The following CAMTA1 variants were observed in gnomAD, a reference collection of about 807,000 sequenced individuals.
CAMTA1 encodes calmodulin-binding transcription activator 1.
A neutral mutation model predicts 170.9 loss-of-function variants in CAMTA1; 27 were observed. The observed-to-expected ratio is 0.16, with a 90% CI of 0.12 to 0.22. The LOEUF is 0.22. Ranked by LOEUF, CAMTA1 falls within the 10% of genes least tolerant of loss-of-function variation. CAMTA1 has a pLI of 1.00. For synonymous variants in CAMTA1, 833 were observed against 891.5 expected (o/e 0.93, Z 1.17); for missense variants, 1,619 against 2,217.2 (o/e 0.73, Z 5.42).
chr1:7,516,728 G>A (rs990064858), intron 6 of CAMTA1, among the ~76,000 whole-genome samples: 92 of 152,202 alleles, frequency 6.0e-4, no homozygotes, highest in African/African-American at 2.1e-3. Flanking sequence ...CCAGCAGAAT[G>A]TCACAGACCT....
chr1:7,305,397 C>T (rs1422401749), intron 5 of CAMTA1, among the ~76,000 whole-genome samples: 1 of 151,780 alleles, frequency 6.6e-6, no homozygotes, highest in Non-Finnish European at 1.5e-5. Context: ...GCAAAAAACC[C>T]CCCACTAAAC....
intron 5 of CAMTA1, among the ~76,000 whole-genome samples, chr1:7,447,667 A>G (rs2092714053): frequency 6.6e-6 from 1 of 152,130 alleles, no homozygotes; most frequent in African/African-American, 2.4e-5. Context: ...TGCCAGTGCC[A>G]CGGGCCTCCC....
chr1:7,459,321 T>C (rs1358181745), intron 5 of CAMTA1, among the ~76,000 whole-genome samples: 2 of 152,304 alleles, frequency 1.3e-5, no homozygotes, highest in South Asian at 2.1e-4. Flanking sequence ...GAGGAATCCA[T>C]GTCATCCTCT....
chr1:6,841,252 T>G (rs1336965742), intron 3 of CAMTA1, among the ~76,000 whole-genome samples: 1 of 152,244 alleles, frequency 6.6e-6, no homozygotes, highest in East Asian at 1.9e-4. Flanking sequence ...TTTTCCTATT[T>G]TAAGGTCAGC....
At chr1:7,477,489 C>G (rs1229801009) in intron 6 of CAMTA1, among the ~76,000 whole-genome samples, 1 of 152,196 alleles carries the variant, frequency 6.6e-6, no homozygotes, top group Admixed American at 6.5e-5. Flanking sequence ...CTTGCCAAGG[C>G]TGCACGGCAG....
chr1:7,277,601 C>CT (rs1670921538), intron 5 of CAMTA1, among the ~76,000 whole-genome samples: 1 of 152,208 alleles, frequency 6.6e-6, no homozygotes, highest in South Asian at 2.1e-4. Flanking sequence ...CATCTCCTCT[C>CT]TATCTCCCCC....
At chr1:7,282,878 G>A (rs955666516) in intron 5 of CAMTA1, among the ~76,000 whole-genome samples, 2 of 152,070 alleles carry the variant, frequency 1.3e-5, no homozygotes, top group Non-Finnish European at 2.9e-5. Flanking sequence ...CTTGTGTCTC[G>A]TGACATAGCC....
In CAMTA1 at chr1:7,689,583, A is replaced by C. The variant is rs1452064795; in HGVS notation, c.2914+11850A>C. Among the ~76,000 whole-genome samples the C allele has an allele frequency of 2.0e-5, 3 of 152,338 alleles. No homozygotes were observed. In the East Asian group the frequency reaches 5.8e-4, roughly 29 times the overall value. The stretch of plus-strand genomic sequence containing the variant: ...GACAGAGCGAGACCATCTCAAAAAA[A>C]AAAGAAAAATCAGTGGCAGAGGGAA... On this transcript the variant is annotated intron_variant, in intron 11 of 22. Coordinates refer to ENST00000303635, the MANE Select transcript of CAMTA1 (RefSeq NM_015215.4).
chr1:6,865,047 T>C (rs6577392), intron 3 of CAMTA1, among the ~76,000 whole-genome samples: 100,534 of 152,008 alleles, frequency 0.66, 33,666 homozygotes, highest in Admixed American at 0.75. Flanking sequence ...TCAAGCAGTC[T>C]TCCCTCCTTG....
chr1:6,990,898 C>T lies in CAMTA1; in HGVS notation c.235-100406C>T, dbSNP rs193154917. The stretch of plus-strand genomic sequence containing the variant: ...AAGTGGTTTCAAGTGGTTTTGGTTA[C>T]ATGGATTAATTTGGTGAAGGCTGAG... On this transcript the variant is annotated intron_variant, in intron 3 of 22. Coordinates refer to ENST00000303635, the MANE Select transcript of CAMTA1 (RefSeq NM_015215.4). Among the ~76,000 whole-genome samples the T allele has an allele frequency of 2.0e-5, 3 of 151,352 alleles. No homozygotes were observed. The East Asian group carries it at 5.8e-4, about 29-fold the overall frequency.
chr1:7,318,462 C>A (rs1191954855), intron 5 of CAMTA1, among the ~76,000 whole-genome samples: 3 of 152,140 alleles, frequency 2.0e-5, no homozygotes, highest in Admixed American at 6.5e-5. Flanking sequence ...GGGATATTTA[C>A]AAGGGACCCT....
At chr1:6,794,454 ATCT>A (rs1429667910) in intron 1 of CAMTA1, among the ~76,000 whole-genome samples, 2 of 152,214 alleles carry the variant, frequency 1.3e-5, no homozygotes, top group Non-Finnish European at 2.9e-5. Context: ...ACTTAATAAG[ATCT>A]TCTTTTTAAA....
intron 3 of CAMTA1, among the ~76,000 whole-genome samples, chr1:6,843,455 C>T (rs1656698111): frequency 6.6e-6 from 1 of 152,164 alleles, no homozygotes; most frequent in Admixed American, 6.5e-5. Context: ...GAAAAGTGAT[C>T]AAGAGGTTAG....
At chr1:7,667,852 G>A (rs986600751) in intron 9 of CAMTA1, among the ~76,000 whole-genome samples, 1 of 152,236 alleles carries the variant, frequency 6.6e-6, no homozygotes, top group Non-Finnish European at 1.5e-5. Flanking sequence ...AATTCAGCTT[G>A]ATTTGGAAAA....
At chr1:7,275,429 G>A (rs1670447533) in intron 5 of CAMTA1, among the ~76,000 whole-genome samples, 1 of 151,778 alleles carries the variant, frequency 6.6e-6, no homozygotes, top group Non-Finnish European at 1.5e-5. Flanking sequence ...TAAAATAAAT[G>A]AAATAGTAAG....
intron 3 of CAMTA1, among the ~76,000 whole-genome samples, chr1:6,972,850 TTTTCCC>T (rs537014776): frequency 6.6e-6 from 1 of 152,014 alleles, no homozygotes; most frequent in Non-Finnish European, 1.5e-5. Context: ...TTCCTTTTCC[TTTTCCC>T]TTTCCCTTTT....
chr1:6,867,162 A>G (rs1197335605), intron 3 of CAMTA1, among the ~76,000 whole-genome samples: 1 of 152,196 alleles, frequency 6.6e-6, no homozygotes, highest in Non-Finnish European at 1.5e-5. Context: ...ATACTATGAT[A>G]ATGAGCATGT....
chr1:6,808,515 TC>T (rs1408831974), intron 1 of CAMTA1, among the ~76,000 whole-genome samples: 3 of 152,226 alleles, frequency 2.0e-5, no homozygotes, highest in African/African-American at 7.2e-5. Context: ...AAATGAAACT[TC>T]CAATAGGAGA....
intron 5 of CAMTA1, among the ~76,000 whole-genome samples, chr1:7,372,564 G>A (rs916213934): frequency 1.5e-4 from 23 of 152,176 alleles, no homozygotes; most frequent in African/African-American, 5.1e-4. Context: ...GCGTTATTAC[G>A]TAGCCTTGCC....
Sources: allele counts gnomAD v4.1 joint callset (sites outside exome capture counted in the v4.1 genomes callset), GRCh38; gene constraint gnomAD v4.1.1; transcripts MANE v1.5; gene names NCBI Gene and HGNC (gene_info 2026-07-23, HGNC 2026-07-21).